Variants in LARP4 observed in about 807,000 individuals in gnomAD.
The protein encoded by LARP4 is La ribonucleoprotein 4.
A neutral mutation model predicts 92.9 loss-of-function variants in LARP4; 29 were observed. That is an observed-to-expected ratio of 0.31 (90% confidence interval 0.23 to 0.43). The LOEUF is 0.43. Among genes scored for constraint, LARP4 ranks in the 20% least tolerant of loss-of-function variants. The pLI, the probability that LARP4 is intolerant of heterozygous loss-of-function variation, is 1.00. For missense variants in LARP4, 732 were observed against 860.0 expected (o/e 0.85, Z 1.86); for synonymous variants, 279 against 284.1 (o/e 0.98, Z 0.18).
At chr12:50,437,693 T>C (rs1350842112) in intron 5 of LARP4, 42 bp from the exon 6 acceptor site, 1 of 1,132,624 alleles carries the variant, frequency 8.8e-7, no homozygotes, top group Non-Finnish European at 1.3e-6. Context: ...ATAATATCAC[T>C]ACTTGTCACG....
chr12:50,474,242 T>C, intron 15 of LARP4, 75 bp downstream of exon 15: 1 of 1,159,150 alleles, frequency 8.6e-7, no homozygotes, highest in Non-Finnish European at 1.2e-6. Context: ...ACGTAACACT[T>C]TGTTAGAACA....
intron 1 of LARP4, chr12:50,420,988 C>T: frequency 8.5e-6 from 1 of 117,148 alleles, no homozygotes; most frequent in Non-Finnish European, 1.6e-5. Flanking sequence ...CTCGCTGTGT[C>T]ACCCAGGCTG....
chr12:50,411,515 G>A (rs1195454310), intron 1 of LARP4, among the ~76,000 whole-genome samples: 8 of 151,758 alleles, frequency 5.3e-5, no homozygotes, highest in African/African-American at 1.9e-4. Context: ...ATCTAGTAGA[G>A]ATGGGGTTTC....
intron 12 of LARP4, among the ~76,000 whole-genome samples, chr12:50,464,123 A>G (rs1403572036): frequency 6.6e-6 from 1 of 152,146 alleles, no homozygotes; most frequent in Non-Finnish European, 1.5e-5. Flanking sequence ...ACTCCTCAGT[A>G]CCAATTTTCG....
At chr12:50,442,276 T>G (rs1189790727) in intron 8 of LARP4, among the ~76,000 whole-genome samples, 1 of 152,200 alleles carries the variant, frequency 6.6e-6, no homozygotes, top group Non-Finnish European at 1.5e-5. Context: ...CACAGTACTT[T>G]CAACCTCATC....
At chr12:50,409,936 A>G (rs1019365081) in intron 1 of LARP4, among the ~76,000 whole-genome samples, 5 of 151,588 alleles carry the variant, frequency 3.3e-5, no homozygotes, top group Non-Finnish European at 7.4e-5. Flanking sequence ...GAGATTACAC[A>G]CAGGTACCAC....
chr12:50,401,257 A>C, intron 1 of LARP4: 10 of 584,514 alleles, frequency 1.7e-5, no homozygotes, highest in Admixed American at 2.9e-5. Context: ...GAAGGAGAAA[A>C]ACGGAGGGCT....
intron 12 of LARP4, among the ~76,000 whole-genome samples, chr12:50,465,895 A>G (rs924499390): frequency 6.6e-6 from 1 of 152,202 alleles, no homozygotes; most frequent in African/African-American, 2.4e-5. Flanking sequence ...GAAGCCATGG[A>G]TAGTGGACAT....
At position 50,428,967 on chromosome 12, in the gene LARP4, G is replaced by C; in HGVS notation, c.199G>C (p.Glu67Gln). The stretch of plus-strand genomic sequence containing the variant: ...AGAGCTCTCAGAAGATATATGTAAA[G>C]AATATGAAGTAATGTATTCTTCATC... ...NAELSEDICK[E>Q]YEVMYSSSCE... The change falls in exon 3 of 16, where the codon GAA becomes CAA. Residue 67 changes from glutamate (E) to glutamine (Q), a missense_variant. Transcript: ENST00000398473. The C allele has an allele frequency of 6.2e-7, 1 of 1,601,472 alleles. No homozygotes were observed. The highest frequency in any genetic ancestry group is 1.3e-5 in the African/African-American group (1 of 74,734).
At chr12:50,447,747 T>C (rs1952447486) in intron 8 of LARP4, among the ~76,000 whole-genome samples, 1 of 152,046 alleles carries the variant, frequency 6.6e-6, no homozygotes. Flanking sequence ...GACAGGGTCT[T>C]GCTGTCTTCC....
intron 2 of LARP4, 34 bp from the exon 3 acceptor site, chr12:50,428,901 T>A (rs750691992): frequency 6.7e-7 from 1 of 1,501,912 alleles, no homozygotes; most frequent in South Asian, 1.3e-5. Flanking sequence ...TTTAAATAAT[T>A]CCCATTTACT....
At chr12:50,460,614 G>A (rs2138645902) in intron 10 of LARP4, among the ~76,000 whole-genome samples, 2 of 152,060 alleles carry the variant, frequency 1.3e-5, no homozygotes, top group South Asian at 4.2e-4. Context: ...GTGAGCCACT[G>A]TGTCCAGCCC....
intron 4 of LARP4, among the ~76,000 whole-genome samples, chr12:50,432,863 A>AAG (rs1159470879): frequency 6.7e-6 from 1 of 150,242 alleles, no homozygotes; most frequent in Admixed American, 6.6e-5. Context: ...TTCGTTTCAA[A>AAG]AAAAAAAAAA....
At chr12:50,453,747 G>C in intron 9 of LARP4, 75 bp downstream of exon 9, 1 of 950,308 alleles carries the variant, frequency 1.1e-6, no homozygotes, top group South Asian at 1.9e-5. Flanking sequence ...CAGTTGGAGT[G>C]GGAGCTCATT....
chr12:50,453,736 T>C (rs1953693363), intron 9 of LARP4, 64 bp downstream of exon 9: 3 of 1,051,322 alleles, frequency 2.9e-6, no homozygotes, highest in South Asian at 1.7e-5. Flanking sequence ...TTTGAAGAAA[T>C]CAGTTGGAGT....
chr12:50,417,132 A>G (rs1238506214), intron 1 of LARP4, among the ~76,000 whole-genome samples: 2 of 151,252 alleles, frequency 1.3e-5, no homozygotes, highest in Admixed American at 1.3e-4. Context: ...TACTTATGCC[A>G]GGTATGGTGG....
In LARP4 at chr12:50,427,933, A is replaced by C. The variant is rs574665470; in HGVS notation, c.166+24A>C. 3.4e-5 allele frequency: 52 copies of C among 1,524,872 alleles called. No homozygotes were observed. In the South Asian group the frequency reaches 6.4e-4, roughly 19 times the overall value. The allele number at this position is 1,524,872 out of a possible 1,614,324, so 94.5% of individuals were successfully genotyped here. A position where few individuals can be genotyped will look rare whatever the true frequency, so the allele number is the denominator to read the frequency against. On this transcript the variant is annotated intron_variant, in intron 2 of 15. Coordinates refer to ENST00000398473, the MANE Select transcript of LARP4 (RefSeq NM_052879.5). ...GGGTAAGTCTTAAATATTTGGTCAT[A>C]AAAATCACAGTTTGGTTAAATGTAT...
At chr12:50,402,959 C>A in intron 1 of LARP4, 1 of 372,184 alleles carries the variant, frequency 2.7e-6, no homozygotes, top group Non-Finnish European at 5.2e-6. Context: ...ATATTTGGGG[C>A]TGAATATGTG....
At chr12:50,406,919 T>C (rs1448204068) in intron 1 of LARP4, among the ~76,000 whole-genome samples, 1 of 152,152 alleles carries the variant, frequency 6.6e-6, no homozygotes, top group Non-Finnish European at 1.5e-5. Flanking sequence ...GGTTTCGCCA[T>C]GTTGGCCAAG....
Sources: gnomAD v4.1 joint callset for allele counts (sites outside exome capture counted in the v4.1 genomes callset) on GRCh38, gnomAD v4.1.1 for gene constraint, MANE v1.5 for transcripts, NCBI Gene and HGNC (gene_info 2026-07-23, HGNC 2026-07-21) for gene names.